EPHA5: variants seen among roughly 807,000 people sequenced by gnomAD.
EPHA5 encodes EPH receptor A5.
EPHA5 carries 60 observed loss-of-function variants against 105.0 expected under a neutral mutation model. The ratio of observed to expected loss-of-function variants is 0.57; its 90% CI spans 0.46 to 0.71. EPHA5 has a LOEUF of 0.71. Among genes scored for constraint, EPHA5 ranks in the 30% least tolerant of loss-of-function variants. The pLI, the probability that EPHA5 is intolerant of heterozygous loss-of-function variation, is 0.00. For synonymous variants in EPHA5, 513 were observed against 449.1 expected (o/e 1.14, Z -1.80); for missense variants, 1,218 against 1,274.7 (o/e 0.96, Z 0.68).
chr4:65,526,590 C>A (rs913049344), intron 3 of EPHA5, among the ~76,000 whole-genome samples: 14 of 151,872 alleles, frequency 9.2e-5, no homozygotes, highest in African/African-American at 2.9e-4. Flanking sequence ...AATGGCCAAG[C>A]AATTTCCTAT....
intron 3 of EPHA5, among the ~76,000 whole-genome samples, chr4:65,562,583 C>T (rs10013903): frequency 5.9e-5 from 9 of 151,978 alleles, no homozygotes; most frequent in Non-Finnish European, 1.2e-4. Context: ...TATATCCATG[C>T]ATGTGGAAGA....
At chr4:65,614,451 TATG>T (rs1331658558) in intron 2 of EPHA5, among the ~76,000 whole-genome samples, 2 of 151,984 alleles carry the variant, frequency 1.3e-5, no homozygotes, top group South Asian at 2.1e-4. Flanking sequence ...GAACTCTTGA[TATG>T]ATAAGGAAGC....
chr4:65,623,754 T>A (rs1427829167), intron 2 of EPHA5, among the ~76,000 whole-genome samples: 2 of 152,150 alleles, frequency 1.3e-5, no homozygotes, highest in African/African-American at 2.4e-5. Flanking sequence ...ACAGATTGTA[T>A]CTACTAATAT....
intron 7 of EPHA5, among the ~76,000 whole-genome samples, chr4:65,410,633 C>A (rs148878929): frequency 1.3e-5 from 2 of 152,084 alleles, no homozygotes; most frequent in Non-Finnish European, 2.9e-5. Flanking sequence ...ATTGCATCAA[C>A]GTCAAATGTT....
intron 3 of EPHA5, among the ~76,000 whole-genome samples, chr4:65,580,160 A>G (rs1252695805): frequency 6.6e-6 from 1 of 151,948 alleles, no homozygotes; most frequent in African/African-American, 2.4e-5. Flanking sequence ...ATTTGCTTTC[A>G]GTATTTACTT....
intron 3 of EPHA5, among the ~76,000 whole-genome samples, chr4:65,567,564 TAAAACATACTGTTATTG>T (rs1739682040): frequency 6.6e-6 from 1 of 151,714 alleles, no homozygotes; most frequent in African/African-American, 2.4e-5. Flanking sequence ...ACTGTCAGTA[TAAAACATACTGTTATTG>T]AAAATGTAAT....
chr4:65,620,227 A>G (rs1745598548), intron 2 of EPHA5, among the ~76,000 whole-genome samples: 1 of 151,744 alleles, frequency 6.6e-6, no homozygotes, highest in Non-Finnish European at 1.5e-5. Context: ...ACAAGTTATC[A>G]CCAAAACAAT....
intron 5 of EPHA5, among the ~76,000 whole-genome samples, chr4:65,432,530 G>A (rs779337194): frequency 7.9e-5 from 12 of 151,826 alleles, no homozygotes; most frequent in Admixed American, 2.6e-4. Flanking sequence ...GTTCCTTTTC[G>A]TTGTTCTGTT....
chr4:65,385,734 G>A (rs761077752), intron 8 of EPHA5, among the ~76,000 whole-genome samples: 2 of 151,744 alleles, frequency 1.3e-5, no homozygotes, highest in Admixed American at 6.6e-5. Context: ...ATAAATGTAT[G>A]TGTGTGATTA....
intron 5 of EPHA5, among the ~76,000 whole-genome samples, chr4:65,427,012 A>G (rs1268378448): frequency 6.6e-6 from 1 of 152,142 alleles, no homozygotes; most frequent in African/African-American, 2.4e-5. Flanking sequence ...GAATAAATAA[A>G]GAATTAGAAG....
chr4:65,387,980 A>C (rs865953613), intron 8 of EPHA5, among the ~76,000 whole-genome samples: 7 of 18,042 alleles, frequency 3.9e-4, no homozygotes, highest in East Asian at 3.0e-3. Context: ...CCCCCACCCC[A>C]CAACAGTTCC....
At chr4:65,356,842 G>A (rs1218289363) in intron 11 of EPHA5, among the ~76,000 whole-genome samples, 1 of 151,382 alleles carries the variant, frequency 6.6e-6, no homozygotes, top group Non-Finnish European at 1.5e-5. Flanking sequence ...CTGCAAAAAT[G>A]ACATAGCAAT....
chr4:65,322,956 G>A lies in EPHA5; in HGVS notation c.*1158C>T, dbSNP rs1577800425. 4.4e-6 allele frequency: 1 copy of A among 229,012 alleles called. No individual in the cohort carries two copies. Among genetic ancestry groups the A allele is most frequent in the East Asian group, 6.2e-5 (1 of 16,212 alleles). The allele number at this position is 229,012 out of a possible 1,614,324, so 14.2% of individuals were successfully genotyped here. ...TTAACACTTAAGGGTGATGCTTCGT[G>A]CTATGTGCCTGGATTTAACAACATT... is the stretch of plus-strand genomic sequence containing the variant. On this transcript the variant is annotated 3_prime_UTR_variant, in exon 17 of 17. Coordinates refer to ENST00000613740, the MANE Select transcript of EPHA5 (RefSeq NM_001281766.3).
chr4:65,348,312 T>G, intron 13 of EPHA5, 109 bp from the exon 14 acceptor site: 1 of 1,014,620 alleles, frequency 9.9e-7, no homozygotes. Context: ...TTTAAGTGAA[T>G]CTGTTTGACA....
At chr4:65,402,507 A>G (rs983104324) in intron 8 of EPHA5, among the ~76,000 whole-genome samples, 8 of 152,146 alleles carry the variant, frequency 5.3e-5, no homozygotes, top group Admixed American at 4.6e-4. Context: ...CTACACCAAC[A>G]TATTTCTTAT....
chr4:65,504,148 A>C (rs1181353233), intron 3 of EPHA5, among the ~76,000 whole-genome samples: 22 of 151,478 alleles, frequency 1.5e-4, no homozygotes, highest in Non-Finnish European at 1.3e-4. Context: ...GAAGTGTTTT[A>C]TCACATAGTA....
At chr4:65,364,522 A>G (rs1010349722) in intron 11 of EPHA5, among the ~76,000 whole-genome samples, 5 of 151,600 alleles carry the variant, frequency 3.3e-5, no homozygotes, top group African/African-American at 2.4e-5. Flanking sequence ...ATTAAAAGGA[A>G]CTTTTCCTGT....
intron 14 of EPHA5, among the ~76,000 whole-genome samples, chr4:65,338,709 A>T (rs1721418472): frequency 6.6e-6 from 1 of 152,166 alleles, no homozygotes; most frequent in African/African-American, 2.4e-5. Flanking sequence ...AATTTATTTT[A>T]AAAATAGATT....
At chr4:65,620,108 G>A (rs372328907) in intron 2 of EPHA5, among the ~76,000 whole-genome samples, 143 of 137,344 alleles carry the variant, frequency 1.0e-3, no homozygotes, top group African/African-American at 3.5e-3. Context: ...TTGGACTCAG[G>A]TATATATATA....
Sources: gnomAD v4.1 joint callset for allele counts (sites outside exome capture counted in the v4.1 genomes callset) on GRCh38, gnomAD v4.1.1 for gene constraint, MANE v1.5 for transcripts, NCBI Gene and HGNC (gene_info 2026-07-23, HGNC 2026-07-21) for gene names.